Variants in XYLT1 observed in about 807,000 individuals in gnomAD.
The protein encoded by XYLT1 is beta-D-xylosyltransferase 1.
Under a neutral mutation model 91.3 loss-of-function variants are expected in XYLT1, and 36 were observed. The observed-to-expected ratio is 0.39, with a 90% confidence interval of 0.30 to 0.52. The LOEUF (loss-of-function observed/expected upper bound fraction) is 0.52. Among genes scored for constraint, XYLT1 ranks in the 20% least tolerant of loss-of-function variants. XYLT1 has a pLI of 0.68. For synonymous variants in XYLT1, 588 were observed against 532.0 expected, an observed-to-expected ratio of 1.11 and a Z score of -1.45; for missense variants, 1,242 against 1,284.5, an observed-to-expected ratio of 0.97 and a Z score of 0.51.
At chr16:17,158,342 G>T (rs957704255) in intron 6 of XYLT1, among the ~76,000 whole-genome samples, 6 of 152,184 alleles carry the variant, frequency 3.9e-5, no homozygotes, top group Admixed American at 6.5e-5. Context: ...GTCCATGCTG[G>T]TATGACACTC....
intron 1 of XYLT1, among the ~76,000 whole-genome samples, chr16:17,465,255 G>T (rs971846493): frequency 6.6e-6 from 1 of 151,272 alleles, no homozygotes; most frequent in Non-Finnish European, 1.5e-5. Flanking sequence ...GGCATCTTTG[G>T]AAAGGGGCAG....
chr16:17,173,234 T>C (rs1032205958), intron 5 of XYLT1, among the ~76,000 whole-genome samples: 1 of 152,186 alleles, frequency 6.6e-6, no homozygotes, highest in African/African-American at 2.4e-5. Context: ...ACAGGACGTG[T>C]AGTAGATGAA....
rs1966722231 is a variant in XYLT1 at position 17,102,745 on chromosome 16, T to C, written c.*5950A>G. 7.8e-6 allele frequency: 1 copy of C among 128,096 alleles called. No homozygotes were observed. The highest frequency in any genetic ancestry group is 3.6e-5 in the African/African-American group (1 of 27,786). The allele number at this position is 128,096 out of a possible 1,614,324, so 7.9% of individuals were successfully genotyped here. ...CAGCGTGTGCCATTTGAATTCTTTT[T>C]TTAAAACTTTATTTACAGATTTTTT... On this transcript the variant is annotated 3_prime_UTR_variant, in exon 12 of 12. Transcript: ENST00000261381.
intron 3 of XYLT1, among the ~76,000 whole-genome samples, chr16:17,202,775 A>G (rs943875269): frequency 1.7e-4 from 26 of 151,840 alleles, no homozygotes; most frequent in African/African-American, 6.3e-4. Flanking sequence ...ACACACCACT[A>G]GAACATTAGC....
chr16:17,122,598 ATCTAC>A (rs1287773314), intron 10 of XYLT1, among the ~76,000 whole-genome samples: 11 of 152,110 alleles, frequency 7.2e-5, no homozygotes, highest in Admixed American at 1.3e-4. Flanking sequence ...ATTAAGTCCT[ATCTAC>A]TTATCTTTGT....
intron 3 of XYLT1, among the ~76,000 whole-genome samples, chr16:17,236,309 TGTGTAGG>T (rs757088572): frequency 7.9e-5 from 12 of 152,146 alleles, no homozygotes; most frequent in Non-Finnish European, 1.8e-4. Flanking sequence ...AAAGTGAGCA[TGTGTAGG>T]GTCTTACCAC....
chr16:17,164,916 A>C (rs944330067), intron 5 of XYLT1, among the ~76,000 whole-genome samples: 2 of 152,314 alleles, frequency 1.3e-5, no homozygotes, highest in East Asian at 3.9e-4. Context: ...TTAAAACTGG[A>C]TGGTCCTGAG....
At chr16:17,339,366 G>A (rs2035033603) in intron 2 of XYLT1, among the ~76,000 whole-genome samples, 1 of 152,164 alleles carries the variant, frequency 6.6e-6, no homozygotes. Context: ...GACACCAACA[G>A]AAATTGCAGA....
At chr16:17,267,714 T>A (rs968385250) in intron 2 of XYLT1, among the ~76,000 whole-genome samples, 5 of 152,172 alleles carry the variant, frequency 3.3e-5, no homozygotes, top group African/African-American at 1.2e-4. Context: ...CGGCCAAGAC[T>A]GAGACTTTTT....
intron 2 of XYLT1, among the ~76,000 whole-genome samples, chr16:17,269,792 T>TTTATTATTATTATTATTATTATTA (rs60773820): frequency 1.8e-4 from 25 of 141,722 alleles, no homozygotes; most frequent in Admixed American, 2.8e-4. Context: ...TCCTTCTCCC[T>TTTATTATTATTATTATTATTATTA]TTATTATTAT....
chr16:17,198,199 T>C lies in XYLT1; in HGVS notation c.1289+13A>G, dbSNP rs759329282. On this transcript the variant is annotated intron_variant, in intron 5 of 11. Transcript: ENST00000261381. ...GTCAGACAAGACTGGCTTGGGGCCC[T>C]TGGCTGCCTTACCTGATGGGGTAGT... 5.0e-5 allele frequency: 80 copies of C among 1,613,748 alleles called. No individual in the cohort carries two copies. In the Admixed American group the frequency reaches 1.2e-3, roughly 25 times the overall value.
chr16:17,159,058 C>T (rs2050394084), intron 5 of XYLT1, 149 bp from the exon 6 acceptor site: 7 of 672,422 alleles, frequency 1.0e-5, no homozygotes, highest in African/African-American at 3.6e-5. Flanking sequence ...CTCTTTATAT[C>T]GCCATTTTTA....
intron 3 of XYLT1, among the ~76,000 whole-genome samples, chr16:17,243,569 C>T (rs72777774): frequency 0.011 from 1,622 of 152,302 alleles, 13 homozygotes; most frequent in Non-Finnish European, 0.017. Context: ...GATTAAAGAT[C>T]AAGCAACAGA....
intron 1 of XYLT1, among the ~76,000 whole-genome samples, chr16:17,359,696 T>C (rs1203436062): frequency 6.6e-6 from 1 of 152,172 alleles, no homozygotes; most frequent in Admixed American, 6.5e-5. Flanking sequence ...CTCCCCACAT[T>C]GCAGCCTTGA....
In XYLT1 at chr16:17,103,411, C is replaced by G. The variant is rs1393718484; in HGVS notation, c.*5284G>C. The G allele has an allele frequency of 1.3e-5, 2 of 152,264 alleles. No homozygotes were observed. The highest frequency in any genetic ancestry group is 3.9e-4 in the East Asian group (2 of 5,194). 9.4% of individuals were successfully genotyped at this position (152,264 alleles called of 1,614,324 possible). A position where few individuals can be genotyped will look rare whatever the true frequency, so the allele number is the denominator to read the frequency against. On this transcript the variant is annotated 3_prime_UTR_variant, in exon 12 of 12. Coordinates refer to ENST00000261381, the MANE Select transcript of XYLT1 (RefSeq NM_022166.4). ...AATATAAGAACATTTTTCTTAAAGA[C>G]GACATTTGTAAGCAATTCCTATAGC...
At chr16:17,206,804 T>A (rs2032655723) in intron 3 of XYLT1, among the ~76,000 whole-genome samples, 1 of 152,134 alleles carries the variant, frequency 6.6e-6, no homozygotes, top group East Asian at 1.9e-4. Context: ...TGTGATCTCA[T>A]TATTTAATTG....
intron 2 of XYLT1, among the ~76,000 whole-genome samples, chr16:17,295,896 CTGA>C (rs1163566810): frequency 6.6e-6 from 1 of 152,182 alleles, no homozygotes; most frequent in African/African-American, 2.4e-5. Context: ...GGCTTTTGCT[CTGA>C]ATGAGCTGGG....
At chr16:17,297,976 G>A (rs1356570886) in intron 2 of XYLT1, among the ~76,000 whole-genome samples, 3 of 151,280 alleles carry the variant, frequency 2.0e-5, no homozygotes, top group Non-Finnish European at 2.9e-5. Flanking sequence ...AGCCGAGATC[G>A]CGCCACTGCA....
chr16:17,461,111 C>T (rs1301901656), intron 1 of XYLT1, among the ~76,000 whole-genome samples: 2 of 152,234 alleles, frequency 1.3e-5, no homozygotes, highest in Non-Finnish European at 2.9e-5. Context: ...ACAGCATCTG[C>T]CCATCTGCTC....
Sources: gnomAD v4.1 joint callset for allele counts (sites outside exome capture counted in the v4.1 genomes callset) on GRCh38, gnomAD v4.1.1 for gene constraint, MANE v1.5 for transcripts, NCBI Gene and HGNC (gene_info 2026-07-23, HGNC 2026-07-21) for gene names.